The following LINGO2 variants were observed in gnomAD, a reference collection of about 807,000 sequenced individuals.
The protein encoded by LINGO2 is leucine-rich repeat and immunoglobulin-like domain-containing nogo receptor-interacting protein 2.
A neutral mutation model predicts 30.6 loss-of-function variants in LINGO2; 14 were observed. That is an observed-to-expected ratio of 0.46 (90% confidence interval 0.30 to 0.72). The LOEUF (loss-of-function observed/expected upper bound fraction) is 0.72, where lower values mean the gene tolerates loss of function less well. Among genes scored for constraint, LINGO2 ranks in the 30% least tolerant of loss-of-function variants. The pLI, the probability that LINGO2 is intolerant of heterozygous loss-of-function variation, is 0.07. For synonymous variants in LINGO2, 317 were observed against 288.5 expected (o/e 1.10, Z -1.00); for missense variants, 729 against 751.7 (o/e 0.97, Z 0.35).
chr9:28,403,341 A>G (rs1326787288), intron 2 of LINGO2, among the ~76,000 whole-genome samples: 1 of 152,158 alleles, frequency 6.6e-6, no homozygotes. Flanking sequence ...CAGCTCCTCT[A>G]CAGGATGGCA....
the LINGO2 span, among the ~76,000 whole-genome samples, chr9:28,711,544 G>T: frequency 2.0e-5 from 3 of 151,940 alleles, no homozygotes; most frequent in Non-Finnish European, 4.4e-5. Flanking sequence ...TTTTCAAAAA[G>T]AACTGATATG....
the LINGO2 span, among the ~76,000 whole-genome samples, chr9:28,980,705 C>CAG: frequency 6.6e-6 from 1 of 152,152 alleles, no homozygotes; most frequent in Non-Finnish European, 1.5e-5. Flanking sequence ...AGGGAGTCCT[C>CAG]TGAGTCCACT....
the LINGO2 span, among the ~76,000 whole-genome samples, chr9:29,031,386 G>A: frequency 1.3e-5 from 2 of 151,966 alleles, no homozygotes; most frequent in African/African-American, 4.8e-5. Context: ...GGGTTCAAGC[G>A]ATTCTTCAGC....
At chr9:28,776,512 G>A in the LINGO2 span, among the ~76,000 whole-genome samples, 1 of 152,086 alleles carries the variant, frequency 6.6e-6, no homozygotes, top group Admixed American at 6.5e-5. Context: ...AATTTAACCA[G>A]TAGCTATAAT....
chr9:28,348,197 C>A (rs10738794), intron 3 of LINGO2, among the ~76,000 whole-genome samples: 80,677 of 151,928 alleles, frequency 0.53, 22,864 homozygotes, highest in Non-Finnish European at 0.62. Flanking sequence ...GCGTGAGCGA[C>A]GCAGAAGACG....
the LINGO2 span, among the ~76,000 whole-genome samples, chr9:29,040,851 A>C: frequency 0.028 from 4,276 of 152,114 alleles, 94 homozygotes; most frequent in Non-Finnish European, 0.041. Context: ...ATTAGATTAC[A>C]TACAAATATA....
At chr9:28,357,393 G>T (rs1820262474) in intron 3 of LINGO2, among the ~76,000 whole-genome samples, 1 of 143,736 alleles carries the variant, frequency 7.0e-6, no homozygotes, top group South Asian at 2.2e-4. Flanking sequence ...GGTCTATGTT[G>T]TGACTAATTT....
At chr9:28,911,410 T>G in the LINGO2 span, among the ~76,000 whole-genome samples, 1 of 151,994 alleles carries the variant, frequency 6.6e-6, no homozygotes, top group Non-Finnish European at 1.5e-5. Context: ...CCACTACAGG[T>G]ACATATAAAA....
rs1370079893 is a variant in LINGO2 at position 28,147,706 on chromosome 9, G to A, written c.-86-135301C>T. Among the ~76,000 whole-genome samples the A allele has an allele frequency of 6.6e-6, 1 of 152,148 alleles. No homozygotes were observed. Among genetic ancestry groups the A allele is most frequent in the African/African-American group, 2.4e-5 (1 of 41,452 alleles). On this transcript the variant is annotated intron_variant, in intron 4 of 5. Transcript: ENST00000379992. This position sits in a 1 kb window ranked among gnomAD's most constrained non-coding sequence, Gnocchi z 4.7. ...CCCCAACAGCCCCACGGGGGGGCCCGTCCAGGGCCACACAACTGCCCCCAG... is the reference window on the plus strand; with the variant it reads ...CCCCAACAGCCCCACGGGGGGGCCCATCCAGGGCCACACAACTGCCCCCAG...
chr9:28,094,151 T>A (rs538183957), intron 4 of LINGO2, among the ~76,000 whole-genome samples: 1 of 152,098 alleles, frequency 6.6e-6, no homozygotes, highest in Non-Finnish European at 1.5e-5. Context: ...AAATGTGGTA[T>A]AATGAGGGTA....
intron 3 of LINGO2, among the ~76,000 whole-genome samples, chr9:28,298,536 AG>A (rs201067838): frequency 0.048 from 7,244 of 150,914 alleles, 228 homozygotes; most frequent in South Asian, 0.13. Flanking sequence ...ATACAAAATT[AG>A]CTGGGAGTGG....
At chr9:28,724,893 A>G in the LINGO2 span, among the ~76,000 whole-genome samples, 1 of 152,180 alleles carries the variant, frequency 6.6e-6, no homozygotes, top group Non-Finnish European at 1.5e-5. Flanking sequence ...AGATCAATGT[A>G]AGAATTCAAA....
chr9:28,714,166 T>TATATATATATATATATATATATATATAC, the LINGO2 span, among the ~76,000 whole-genome samples: 2 of 81,906 alleles, frequency 2.4e-5, no homozygotes, highest in African/African-American at 1.5e-4. Context: ...CCTCAAATAA[T>TATATATATATATATATATATATATATAC]ATATATATAT....
At chr9:28,937,855 G>A in the LINGO2 span, among the ~76,000 whole-genome samples, 4 of 152,044 alleles carry the variant, frequency 2.6e-5, no homozygotes, top group Admixed American at 2.6e-4. Context: ...AGGTAACATG[G>A]GGGTTTGTTG....
chr9:28,198,133 T>C (rs1820081343), intron 4 of LINGO2, among the ~76,000 whole-genome samples: 1 of 151,302 alleles, frequency 6.6e-6, no homozygotes, highest in African/African-American at 2.4e-5. Flanking sequence ...GATATATATT[T>C]GAGGAACAAC....
At chr9:28,678,143 TAA>T in the LINGO2 span, among the ~76,000 whole-genome samples, 2,477 of 144,404 alleles carry the variant, frequency 0.017, 50 homozygotes, top group East Asian at 0.043. Context: ...CTTTGAATAT[TAA>T]AAAAAAAAAA....
chr9:28,989,244 T>A, the LINGO2 span, among the ~76,000 whole-genome samples: 1 of 152,344 alleles, frequency 6.6e-6, no homozygotes, highest in African/African-American at 2.4e-5. Context: ...GAATGTTGTT[T>A]AGATGACTTC....
At chr9:28,884,990 A>AT in the LINGO2 span, among the ~76,000 whole-genome samples, 14 of 5,174 alleles carry the variant, frequency 2.7e-3, no homozygotes, top group African/African-American at 8.2e-3. Context: ...AATATATAAT[A>AT]ATATATTATA....
intron 3 of LINGO2, among the ~76,000 whole-genome samples, chr9:28,351,262 T>G (rs1278520463): frequency 1.4e-5 from 2 of 138,054 alleles, no homozygotes; most frequent in South Asian, 4.8e-4. Flanking sequence ...GCAAGACTAA[T>G]AAAGAAAAAA....
Sources: allele counts gnomAD v4.1 joint callset (sites outside exome capture counted in the v4.1 genomes callset), GRCh38; gene constraint gnomAD v4.1.1; non-coding constraint Gnocchi (gnomAD v3.1); transcripts MANE v1.5; gene names NCBI Gene and HGNC (gene_info 2026-07-23, HGNC 2026-07-21).